The following FBXW7 variants were observed in gnomAD, a reference collection of about 807,000 sequenced individuals.
FBXW7 encodes the protein F-box and WD repeat domain containing 7, also known as F-box/WD repeat-containing protein 7.
Under a neutral mutation model 86.3 loss-of-function variants are expected in FBXW7, and 11 were observed. The observed-to-expected ratio is 0.13, with a 90% CI of 0.08 to 0.21. FBXW7 has a LOEUF of 0.21. FBXW7 is among the 10% of genes least tolerant of loss of function. The pLI, the probability that FBXW7 is intolerant of heterozygous loss-of-function variation, is 1.00. For missense variants in FBXW7, 488 were observed against 847.4 expected (o/e 0.58, Z 5.27); for synonymous variants, 313 against 297.9 (o/e 1.05, Z -0.52).
chr4:152,386,876 A>T (rs1218217001), intron 4 of FBXW7, among the ~76,000 whole-genome samples: 1 of 152,204 alleles, frequency 6.6e-6, no homozygotes, highest in African/African-American at 2.4e-5. Context: ...TATCACCAAT[A>T]CGGTATCTGT....
chr4:152,332,117 A>C lies in FBXW7; in HGVS notation c.985+479T>G, dbSNP rs1456915928. ...GGGAAAAAAAACAAAAACAAAAAAA[A>C]CAGTTCTCCCAATACACAGGATAAC... On this transcript the variant is annotated intron_variant, in intron 8 of 13. Coordinates refer to ENST00000281708, the MANE Select transcript of FBXW7 (RefSeq NM_001349798.2). Among the ~76,000 whole-genome samples the C allele has an allele frequency of 2.0e-5, 3 of 152,040 alleles. 1 individual carries two copies. Among genetic ancestry groups the C allele is most frequent in the South Asian group, 4.1e-4 (2 of 4,824 alleles).
chr4:152,328,619 C>A, intron 10 of FBXW7: 8 of 328,944 alleles, frequency 2.4e-5, no homozygotes, highest in Non-Finnish European at 2.7e-5. Flanking sequence ...ATGTAGAAAG[C>A]AAACATATGA....
At chr4:152,530,301 C>G (rs1398350579) in intron 2 of FBXW7, 1 of 152,112 alleles carries the variant, frequency 6.6e-6, no homozygotes, top group Non-Finnish European at 1.5e-5. Flanking sequence ...TAATAGATAG[C>G]AGTATCAAAC....
chr4:152,388,543 A>T (rs1159245096), intron 4 of FBXW7, among the ~76,000 whole-genome samples: 1 of 152,186 alleles, frequency 6.6e-6, no homozygotes, highest in Admixed American at 6.5e-5. Context: ...ATTTCCAAAA[A>T]TTTTGCTGAA....
chr4:152,509,582 T>C (rs1272023205), intron 2 of FBXW7, among the ~76,000 whole-genome samples: 1 of 151,282 alleles, frequency 6.6e-6, no homozygotes, highest in East Asian at 1.9e-4. Context: ...CTTCCTGCTT[T>C]AAAAAAAAAT....
At chr4:152,439,331 C>T (rs747220854) in intron 2 of FBXW7, among the ~76,000 whole-genome samples, 68 of 152,070 alleles carry the variant, frequency 4.5e-4, no homozygotes, top group Non-Finnish European at 6.9e-4. Context: ...AATGAATGTT[C>T]TCGAGGACCT....
In FBXW7 at chr4:152,322,515, G is replaced by T; in HGVS notation, c.*366C>A. 3.7e-6 allele frequency: 1 copy of T among 267,012 alleles called. No homozygotes were observed. The highest frequency in any genetic ancestry group is 5.4e-5 in the East Asian group (1 of 18,578). The allele number at this position is 267,012 out of a possible 1,614,324, so 16.5% of individuals were successfully genotyped here. On this transcript the variant is annotated 3_prime_UTR_variant, in exon 14 of 14. Transcript: ENST00000281708. ...TCTAGCTGTCAGTGGTAAAAGAACA[G>T]GCTAGCAGAATCTGTAATGATGTTT...
intron 6 of FBXW7, among the ~76,000 whole-genome samples, chr4:152,345,990 T>C (rs1731228513): frequency 6.6e-6 from 1 of 152,128 alleles, no homozygotes; most frequent in South Asian, 2.1e-4. Context: ...ATATCAGATA[T>C]TTTTTACTTT....
At chr4:152,454,298 AC>A (rs986948212) in intron 2 of FBXW7, among the ~76,000 whole-genome samples, 2 of 128,436 alleles carry the variant, frequency 1.6e-5, no homozygotes, top group African/African-American at 5.9e-5. Context: ...CCTTGCAGAA[AC>A]CATGTTAGGT....
chr4:152,524,539 T>G (rs1394201496), intron 2 of FBXW7, among the ~76,000 whole-genome samples: 2 of 152,060 alleles, frequency 1.3e-5, no homozygotes, highest in African/African-American at 4.8e-5. Context: ...AAACCAATAA[T>G]CTAATCATCA....
Position 152,508,938 on chromosome 4 carries a change from AT to A in FBXW7, c.-120+26002del, listed in dbSNP as rs1425585908. ...TCAGCATCATGTGCCTCTAAATAAGATTCATAAAATCATTTTTGCAGTATTC... is the reference window on the plus strand; with the variant it reads ...TCAGCATCATGTGCCTCTAAATAAGATCATAAAATCATTTTTGCAGTATTC... On this transcript the variant is annotated intron_variant, in intron 2 of 13. Coordinates refer to ENST00000281708, the MANE Select transcript of FBXW7 (RefSeq NM_001349798.2). Among the ~76,000 whole-genome samples the A allele has an allele frequency of 2.0e-5, 3 of 152,186 alleles. No individual in the cohort carries two copies. In the East Asian group the frequency reaches 5.8e-4, roughly 29 times the overall value.
At chr4:152,394,779 A>G (rs989770846) in intron 4 of FBXW7, among the ~76,000 whole-genome samples, 1 of 152,046 alleles carries the variant, frequency 6.6e-6, no homozygotes, top group Non-Finnish European at 1.5e-5. Flanking sequence ...AATCCTCTCA[A>G]TAACACTATG....
At chr4:152,525,336 C>T (rs1402936154) in intron 2 of FBXW7, among the ~76,000 whole-genome samples, 5 of 152,018 alleles carry the variant, frequency 3.3e-5, no homozygotes, top group African/African-American at 1.2e-4. Flanking sequence ...TTTTAGGTTT[C>T]GGGGTACATG....
chr4:152,323,350 T>C, intron 13 of FBXW7: 1 of 645,904 alleles, frequency 1.5e-6, no homozygotes, highest in Non-Finnish European at 2.6e-6. Context: ...AACTGAAACA[T>C]TAACTTTCAA....
intron 4 of FBXW7, among the ~76,000 whole-genome samples, chr4:152,350,588 A>G (rs539579045): frequency 6.6e-6 from 1 of 151,952 alleles, no homozygotes; most frequent in South Asian, 2.1e-4. Flanking sequence ...AACAAACTCA[A>G]TTTTAAACAC....
At chr4:152,454,359 G>A (rs571569208) in intron 2 of FBXW7, among the ~76,000 whole-genome samples, 2 of 140,528 alleles carry the variant, frequency 1.4e-5, no homozygotes, top group Non-Finnish European at 3.0e-5. Context: ...CACTTACCTT[G>A]TACCCCAGTC....
At chr4:152,511,288 C>A (rs904983651) in intron 2 of FBXW7, among the ~76,000 whole-genome samples, 1 of 149,356 alleles carries the variant, frequency 6.7e-6, no homozygotes, top group Non-Finnish European at 1.5e-5. Flanking sequence ...TGACACAGCC[C>A]CCCGCCCCCC....
At chr4:152,391,346 A>G (rs1244359440) in intron 4 of FBXW7, among the ~76,000 whole-genome samples, 1 of 152,140 alleles carries the variant, frequency 6.6e-6, no homozygotes, top group Non-Finnish European at 1.5e-5. Context: ...TTTTCTGAAA[A>G]ATATCAATGT....
At chr4:152,440,564 T>C (rs570839059) in intron 2 of FBXW7, among the ~76,000 whole-genome samples, 28 of 152,348 alleles carry the variant, frequency 1.8e-4, no homozygotes, top group Non-Finnish European at 3.1e-4. Context: ...ACCTGAAATT[T>C]TGTTTTACAT....
Sources: allele counts gnomAD v4.1 joint callset (sites outside exome capture counted in the v4.1 genomes callset), GRCh38; gene constraint gnomAD v4.1.1; transcripts MANE v1.5; gene names NCBI Gene and HGNC (gene_info 2026-07-23, HGNC 2026-07-21).